Variants in GIN1 observed in about 807,000 individuals in gnomAD.
The protein encoded by GIN1 is gypsy retrotransposon integrase 1, also known as gypsy retrotransposon integrase-like protein 1.
GIN1 carries 41 observed loss-of-function variants against 51.4 expected under a neutral mutation model. The observed-to-expected ratio is 0.80, with a 90% CI of 0.62 to 1.04. GIN1 has a LOEUF of 1.04. Among genes scored for constraint, GIN1 ranks in the 50% least tolerant of loss-of-function variants. The pLI, the probability that GIN1 is intolerant of heterozygous loss-of-function variation, is 0.00. For synonymous variants in GIN1, 222 were observed against 206.5 expected (o/e 1.07, Z -0.64); for missense variants, 610 against 612.4 (o/e 1.00, Z 0.04).
chr5:103,088,770 G>A (rs1554194216), intron 7 of GIN1, among the ~76,000 whole-genome samples: 1 of 151,922 alleles, frequency 6.6e-6, no homozygotes, highest in Admixed American at 6.6e-5. Context: ...CTCCAGCATG[G>A]GTGACAGAGC....
chr5:103,098,596 C>A (rs1412025694), intron 4 of GIN1, among the ~76,000 whole-genome samples: 1 of 152,074 alleles, frequency 6.6e-6, no homozygotes, highest in Admixed American at 6.6e-5. Context: ...GCAGCTTGGA[C>A]TACAGGCATG....
At chr5:103,108,472 C>T in intron 2 of GIN1, 97 bp downstream of exon 2, 1 of 789,144 alleles carries the variant, frequency 1.3e-6, no homozygotes, top group East Asian at 2.6e-5. Context: ...AATTGTTTAG[C>T]AACAACCAAC....
chr5:103,092,441 TA>T (rs1787269745), intron 7 of GIN1, among the ~76,000 whole-genome samples: 1 of 152,144 alleles, frequency 6.6e-6, no homozygotes, highest in East Asian at 1.9e-4. Flanking sequence ...AAAAAAAAGA[TA>T]AAGGTTTCAG....
intron 7 of GIN1, among the ~76,000 whole-genome samples, chr5:103,091,583 G>A (rs1429432057): frequency 2.6e-5 from 4 of 152,166 alleles, no homozygotes; most frequent in African/African-American, 9.7e-5. Flanking sequence ...TGACAAGACT[G>A]AATAAGTCTT....
chr5:103,106,570 C>T (rs1787729786), intron 3 of GIN1, 146 bp downstream of exon 3: 1 of 499,104 alleles, frequency 2.0e-6, no homozygotes, highest in South Asian at 3.6e-5. Context: ...TTTAAAATAA[C>T]TGTGAAGGGA....
intron 7 of GIN1, among the ~76,000 whole-genome samples, 187 bp downstream of exon 7, chr5:103,096,347 AAAATCTC>A (rs1787392085): frequency 6.6e-6 from 1 of 152,178 alleles, no homozygotes. Flanking sequence ...TCTCAAAAAA[AAAATCTC>A]ACAGGCCTGA....
At chr5:103,091,321 T>C (rs1271627412) in intron 7 of GIN1, among the ~76,000 whole-genome samples, 3 of 152,190 alleles carry the variant, frequency 2.0e-5, no homozygotes, top group South Asian at 4.1e-4. Context: ...TTAAATTACA[T>C]AGCTCTTGTA....
intron 7 of GIN1, among the ~76,000 whole-genome samples, chr5:103,096,284 G>A (rs1387676267): frequency 6.6e-6 from 1 of 152,046 alleles, no homozygotes; most frequent in Non-Finnish European, 1.5e-5. Context: ...AGGTTGCAGT[G>A]AGCCAAGATC....
Position 103,088,081 on chromosome 5 carries a change from A to G in GIN1, c.1386T>C (p.Ile462=). The change falls in exon 8 of 8, where the codon ATT becomes ATC. Residue 462 remains isoleucine (I), a synonymous_variant. Transcript: ENST00000399004. ...EIPIGAYQAN[I]LVEDATIGIV... Reference sequence around the variant, plus strand: ...TACCAATAGTTGCATCTTCCACCAGAATATTTGCTTGATATGCTCCAATCG... The same window carrying G: ...TACCAATAGTTGCATCTTCCACCAGGATATTTGCTTGATATGCTCCAATCG... The G allele has an allele frequency of 6.2e-7, 1 of 1,610,480 alleles. No homozygotes were observed.
At chr5:103,117,032 A>C (rs541008192) in intron 1 of GIN1, among the ~76,000 whole-genome samples, 1 of 152,230 alleles carries the variant, frequency 6.6e-6, no homozygotes, top group East Asian at 1.9e-4. Context: ...ATGGTCCAGC[A>C]ATACCAATCT....
intron 1 of GIN1, among the ~76,000 whole-genome samples, chr5:103,118,320 T>A (rs1159674047): frequency 6.6e-6 from 1 of 151,838 alleles, no homozygotes; most frequent in Non-Finnish European, 1.5e-5. Context: ...ATTACGAGGA[T>A]GATTAAAAGT....
chr5:103,089,518 G>A (rs1033524855), intron 7 of GIN1, among the ~76,000 whole-genome samples: 9 of 152,060 alleles, frequency 5.9e-5, no homozygotes, highest in Middle Eastern at 3.4e-3. Context: ...GTGCAATGGC[G>A]TGATAACAGC....
chr5:103,111,996 C>G (rs1787899313), intron 1 of GIN1, among the ~76,000 whole-genome samples: 1 of 152,162 alleles, frequency 6.6e-6, no homozygotes, highest in South Asian at 2.1e-4. Flanking sequence ...GCTTTGAAAT[C>G]TTTAACTTTT....
At position 103,097,624 on chromosome 5, in the gene GIN1, G is replaced by T; in HGVS notation, c.797C>A (p.Ser266Ter). Residue 266 changes from serine to a stop codon, truncating the protein, a stop_gained, in exon 5 of 8, where the codon TCA (serine) becomes TAA (stop). Transcript: ENST00000399004. LOFTEE classifies it high-confidence loss of function. ...DHPNNWDDHLSAVSFAFNVTH... is the reference protein window; with the variant it reads ...DHPNNWDDHL The stretch of plus-strand genomic sequence containing the variant: ...TACATTGAAGGCAAATGAAACAGCT[G>T]ATAGGTGATCATCCCAATTGTTTGG... The T allele has an allele frequency of 6.2e-7, 1 of 1,611,518 alleles. No homozygotes were observed. Among genetic ancestry groups the T allele is most frequent in the Non-Finnish European group, 8.5e-7 (1 of 1,177,918 alleles).
intron 4 of GIN1, 72 bp from the exon 5 acceptor site, chr5:103,097,853 C>T (rs1241169459): frequency 2.1e-5 from 14 of 667,598 alleles, no homozygotes; most frequent in Non-Finnish European, 2.3e-5. Context: ...TAAAAAAAAG[C>T]TTCAAAAGAA....
At chr5:103,091,434 G>A (rs1486483883) in intron 7 of GIN1, among the ~76,000 whole-genome samples, 5 of 152,140 alleles carry the variant, frequency 3.3e-5, no homozygotes, top group Admixed American at 3.3e-4. Flanking sequence ...GAGGCGGGGA[G>A]TAAGCAAACA....
At chr5:103,116,934 T>C (rs1316045525) in intron 1 of GIN1, among the ~76,000 whole-genome samples, 1 of 152,088 alleles carries the variant, frequency 6.6e-6, no homozygotes. Context: ...CTACCAAGGA[T>C]GCTCTTACTG....
intron 4 of GIN1, chr5:103,102,236 C>T (rs1381648787): frequency 6.6e-6 from 1 of 152,052 alleles, no homozygotes; most frequent in African/African-American, 2.4e-5. Flanking sequence ...TAATTTTAAA[C>T]AATTAGCAAA....
chr5:103,098,879 A>G (rs1284945363), intron 4 of GIN1, among the ~76,000 whole-genome samples: 3 of 152,346 alleles, frequency 2.0e-5, no homozygotes, highest in African/African-American at 7.2e-5. Context: ...CTTTTAACTT[A>G]TAACTACTAT....
Sources: gnomAD v4.1 joint callset for allele counts (sites outside exome capture counted in the v4.1 genomes callset) on GRCh38, gnomAD v4.1.1 for gene constraint, MANE v1.5 for transcripts, NCBI Gene and HGNC (gene_info 2026-07-23, HGNC 2026-07-21) for gene names.